Variants in MLH3 observed in about 807,000 individuals in gnomAD.
MLH3 encodes the protein DNA mismatch repair protein Mlh3.
Under a neutral mutation model 122.2 loss-of-function variants are expected in MLH3, and 82 were observed. The observed-to-expected ratio is 0.67, with a 90% confidence interval of 0.56 to 0.81. The LOEUF (loss-of-function observed/expected upper bound fraction) is 0.81, where lower values mean the gene tolerates loss of function less well. MLH3 is among the 30% of genes least tolerant of loss of function. MLH3 has a pLI of 0.00. For missense variants in MLH3, 1,539 were observed against 1,714.5 expected (o/e 0.90, Z 1.81); for synonymous variants, 524 against 599.5 (o/e 0.87, Z 1.84).
chr14:75,047,820 T>C lies in MLH3; in HGVS notation c.1836A>G (p.Val612=), dbSNP rs1422736890. 6.2e-7 allele frequency: 1 copy of C among 1,613,820 alleles called. No individual in the cohort carries two copies. Among genetic ancestry groups the C allele is most frequent in the African/African-American group, 1.3e-5 (1 of 74,936 alleles). The change falls in exon 2 of 13, where the codon GTA becomes GTG. Residue 612 remains valine (V), a synonymous_variant. Transcript: ENST00000355774. ...TTGATTTAGTTTTTTCATTTTGTAC[T>C]ACATGAGTTATAAAGCCAGTGGAAC... The part of the protein sequence containing the change: ...KLCSTGFITH[V]VQNEKTKSTE...
At position 75,041,601 on chromosome 14, in the gene MLH3, T is replaced by G. The variant is rs775972214; in HGVS notation, c.3465+14A>C. On this transcript the variant is annotated intron_variant, in intron 4 of 12. Coordinates refer to ENST00000355774, the MANE Select transcript of MLH3 (RefSeq NM_001040108.2). ...AGAAAAAAAAAAGGCAAAGAAAAAC[T>G]GCTACAGACCCACCTCTGGATAACG... 9.4e-6 allele frequency: 15 copies of G among 1,599,764 alleles called. No homozygotes were observed. Among genetic ancestry groups the G allele is most frequent in the Non-Finnish European group, 1.3e-5 (15 of 1,168,362 alleles).
At chr14:75,033,919 G>C (rs1891214720) in intron 6 of MLH3, among the ~76,000 whole-genome samples, 1 of 152,144 alleles carries the variant, frequency 6.6e-6, no homozygotes, top group African/African-American at 2.4e-5. Flanking sequence ...TCAGGGCTGG[G>C]TGCAGTGTCT....
At position 75,046,692 on chromosome 14, in the gene MLH3, G is replaced by A. The variant is rs201936675; in HGVS notation, c.2964C>T (p.Ile988=). ...TTCCTATCTGTTGTTCTGAGGCTCTGATAAGAACATCTGAATCTTTACCGG... is the reference window on the plus strand; with the variant it reads ...TTCCTATCTGTTGTTCTGAGGCTCTAATAAGAACATCTGAATCTTTACCGG... The part of the protein sequence containing the change: ...KVTGKDSDVL[I]RASEQQIGSL... The change falls in exon 2 of 13, where the codon ATC becomes ATT. Residue 988 remains isoleucine (I), a synonymous_variant. Coordinates refer to ENST00000355774, the MANE Select transcript of MLH3 (RefSeq NM_001040108.2). The A allele has an allele frequency of 6.2e-7, 1 of 1,614,096 alleles. No homozygotes were observed. Among genetic ancestry groups the A allele is most frequent in the Non-Finnish European group, 8.5e-7 (1 of 1,179,938 alleles).
chr14:75,037,292 T>A (rs1891484474), intron 6 of MLH3, among the ~76,000 whole-genome samples: 1 of 152,216 alleles, frequency 6.6e-6, no homozygotes, highest in South Asian at 2.1e-4. Context: ...TTCCCTGAAC[T>A]CCCTGATGAA....
rs1304593902 is a variant in MLH3, at chr14:75,018,877, A to G, written c.4194T>C (p.Pro1398=). 4.2e-5 allele frequency: 67 copies of G among 1,614,082 alleles called. 2 individuals carry two copies. The Admixed American group carries it at 9.8e-4, about 24-fold the overall frequency. Residue 1398 remains proline (P), a synonymous_variant, in exon 12 of 13, where the codon CCT becomes CCC. Coordinates refer to ENST00000355774, the MANE Select transcript of MLH3 (RefSeq NM_001040108.2). ...CTATGTCAGCTAACGGCAGCATAGA[A>G]GGTCTCCCGTGAGCACACTGGAATG... ...QLPFQCAHGR[P]SMLPLADIDH...
At position 75,013,778 on chromosome 14, in the gene MLH3, G is replaced by A. The variant is rs925673739; in HGVS notation, c.*3304C>T. On this transcript the variant is annotated 3_prime_UTR_variant, in exon 13 of 13. Coordinates refer to ENST00000355774, the MANE Select transcript of MLH3 (RefSeq NM_001040108.2). ...AGAGAGGGATGGAAGGAAAAAGGAA[G>A]GAAGGAAGGGTTTATTTGATGCAGA... 4.6e-6 allele frequency: 1 copy of A among 219,208 alleles called. No homozygotes were observed. The highest frequency in any genetic ancestry group is 5.8e-5 in the Admixed American group (1 of 17,284). 13.6% of individuals were successfully genotyped at this position (219,208 alleles called of 1,614,324 possible). A position where few individuals can be genotyped will look rare whatever the true frequency, so the allele number is the denominator to read the frequency against.
Position 75,019,536 on chromosome 14 carries a change from T to A in MLH3, c.4091-556A>T, listed in dbSNP as rs147346620. 1.4e-3 allele frequency among the ~76,000 whole-genome samples: 219 copies of A among 152,130 alleles called. 5 individuals are homozygous for A. In the East Asian group the frequency reaches 0.039, roughly 27 times the overall value. On this transcript the variant is annotated intron_variant, in intron 11 of 12. Coordinates refer to ENST00000355774, the MANE Select transcript of MLH3 (RefSeq NM_001040108.2). ...TCTTACGGAGTATTTGTATTTCTAA[T>A]CTCTGTAGGAGGCATTCCTTAACTT...
chr14:75,017,147 CAA>C lies in MLH3; in HGVS notation c.4295_4296del (p.Phe1432TrpfsTer6). The C allele has an allele frequency of 6.2e-7, 1 of 1,613,172 alleles. No individual in the cohort carries two copies. The highest frequency in any genetic ancestry group is 8.5e-7 in the Non-Finnish European group (1 of 1,179,974). ...TGCCTTGTATCACACTCTGCTTTTC[CAA>C]AGAGACGCCAGGCCTGGGCCATTTT... is the stretch of plus-strand genomic sequence containing the variant. ...LRKMAQAWRL[F>X]GKAECDTRQS... On this transcript the variant is annotated frameshift_variant, in exon 13 of 13. Transcript: ENST00000355774. LOFTEE classifies it high-confidence loss of function.
chr14:75,038,887 G>A (rs1328914995), intron 5 of MLH3, among the ~76,000 whole-genome samples: 1 of 150,790 alleles, frequency 6.6e-6, no homozygotes, highest in Non-Finnish European at 1.5e-5. Context: ...CACCCAGGCT[G>A]GAGTGCAATG....
Position 75,017,135 on chromosome 14 carries a change from ACT to A in MLH3, c.4307_4308del (p.Glu1436ValfsTer2), listed in dbSNP as rs1341036490. 1 of 1,613,432 alleles carries A rather than the reference ACT, an allele frequency of 6.2e-7. No homozygotes were observed. The highest frequency in any genetic ancestry group is 1.3e-5 in the African/African-American group (1 of 74,474). Reference protein sequence around the residue: ...AQAWRLFGKAECDTRQSLQQS... With the variant: ...AQAWRLFGKAXCDTRQSLQQS... ...TGCTGCAGGCTCTGCCTTGTATCACACTCTGCTTTTCCAAAGAGACGCCAGGC... is the reference window on the plus strand; with the variant it reads ...TGCTGCAGGCTCTGCCTTGTATCACACTGCTTTTCCAAAGAGACGCCAGGC... On this transcript the variant is annotated frameshift_variant, in exon 13 of 13. Coordinates refer to ENST00000355774, the MANE Select transcript of MLH3 (RefSeq NM_001040108.2). LOFTEE classifies it high-confidence loss of function.
At chr14:75,030,782 T>A (rs2139390112) in intron 8 of MLH3, 80 bp from the exon 9 acceptor site, 2 of 1,246,938 alleles carry the variant, frequency 1.6e-6, no homozygotes, top group Non-Finnish European at 2.3e-6. Context: ...AAATACTACT[T>A]AATAGTTTTT....
chr14:75,048,490 T>C lies in MLH3; in HGVS notation c.1166A>G (p.Asn389Ser), dbSNP rs769209737. ...QKRVTSDERS[N>S]FQEACNNILD... Reference sequence around the variant, plus strand: ...AATATTATTACATGCTTCCTGGAAATTGCTCCTCTCATCGGAAGTCACACG... The same window carrying C: ...AATATTATTACATGCTTCCTGGAAACTGCTCCTCTCATCGGAAGTCACACG... The change falls in exon 2 of 13, where the codon AAT (asparagine) becomes AGT (serine). Residue 389 changes from asparagine to serine, a missense_variant. Physicochemically the swap from Asn to Ser is conservative, Grantham distance 46 (BLOSUM62 1). Coordinates refer to ENST00000355774, the MANE Select transcript of MLH3 (RefSeq NM_001040108.2). 3.1e-6 allele frequency: 5 copies of C among 1,612,998 alleles called. No homozygotes were observed. The highest frequency in any genetic ancestry group is 2.2e-5 in the East Asian group (1 of 44,888).
intron 8 of MLH3, among the ~76,000 whole-genome samples, chr14:75,031,439 A>G (rs1457876109): frequency 2.0e-5 from 3 of 152,242 alleles, no homozygotes; most frequent in African/African-American, 7.2e-5. Flanking sequence ...CTGTTCCAAG[A>G]AATGAGAAGA....
At chr14:75,022,221 T>C (rs1056699235) in intron 11 of MLH3, among the ~76,000 whole-genome samples, 1 of 152,128 alleles carries the variant, frequency 6.6e-6, no homozygotes, top group African/African-American at 2.4e-5. Context: ...ACTATGCTCA[T>C]TACCTGGGTG....
rs55844330 is a variant in MLH3 at position 75,017,397 on chromosome 14, C to T, written c.4243-196G>A. On this transcript the variant is annotated intron_variant, in intron 12 of 12. Coordinates refer to ENST00000355774, the MANE Select transcript of MLH3 (RefSeq NM_001040108.2). ...ACTAAAAATACAAAAAAAAATTAGCCGGGTGTGGTGGCGCATGCCTATAAT... is the reference window on the plus strand; with the variant it reads ...ACTAAAAATACAAAAAAAAATTAGCTGGGTGTGGTGGCGCATGCCTATAAT... Among the ~76,000 whole-genome samples the T allele has an allele frequency of 1.4e-3, 208 of 152,134 alleles. 3 individuals carry two copies. The East Asian group carries it at 0.037, about 27-fold the overall frequency.
Position 75,030,677 on chromosome 14 carries a change from G to C in MLH3, c.3853C>G (p.Leu1285Val), listed in dbSNP as rs2139387356. 6.2e-7 allele frequency: 1 copy of C among 1,613,790 alleles called. No homozygotes were observed. The highest frequency in any genetic ancestry group is 1.1e-5 in the South Asian group (1 of 91,076). Residue 1285 changes from leucine to valine, a missense_variant, in exon 9 of 13, where the codon CTG (leucine) becomes GTG (valine). Coordinates refer to ENST00000355774, the MANE Select transcript of MLH3 (RefSeq NM_001040108.2). ...LWCYHKNLEDLGLEFVFPDTS... is the reference protein window; with the variant it reads ...LWCYHKNLEDVGLEFVFPDTS... ...TCTGGAAATACAAATTCAAGGCCCA[G>C]ATCTTCCAGATTTTTGTGGTAACAC...
At position 75,046,498 on chromosome 14, in the gene MLH3, C is replaced by T. The variant is rs760647376; in HGVS notation, c.3158G>A (p.Gly1053Glu). 1.2e-6 allele frequency: 2 copies of T among 1,614,190 alleles called. No homozygotes were observed. The highest frequency in any genetic ancestry group is 1.7e-6 in the Non-Finnish European group (2 of 1,180,030). The change falls in exon 2 of 13, where the codon GGA becomes GAA. Residue 1053 changes from glycine (G) to glutamate (E), a missense_variant. Gly to Glu is a moderately conservative substitution (Grantham distance 98). Transcript: ENST00000355774. ...DWQRHFDVAL[G>E]RMVYVNKMTG... Reference sequence around the variant, plus strand: ...CATTTTGTTGACATAAACCATTCTTCCCAGGGCTACATCGAAATGCCGCTG... The same window carrying T: ...CATTTTGTTGACATAAACCATTCTTTCCAGGGCTACATCGAAATGCCGCTG...
intron 8 of MLH3, among the ~76,000 whole-genome samples, chr14:75,031,748 A>G (rs1247789071): frequency 1.3e-5 from 2 of 152,234 alleles, no homozygotes; most frequent in Non-Finnish European, 2.9e-5. Context: ...TGGAAGGTGG[A>G]GGTTGCAGTG....
rs151243871 is a variant in MLH3 at position 75,032,906 on chromosome 14, G to C, written c.3715+513C>G. Among the ~76,000 whole-genome samples the C allele has an allele frequency of 3.4e-5, 3 of 89,246 alleles. No homozygotes were observed. In the East Asian group the frequency reaches 2.0e-3, roughly 58 times the overall value. 58.5% of individuals were successfully genotyped at this position (89,246 alleles called of 152,430 possible). Reference sequence around the variant, plus strand: ...AAACCAGAGATATTGGTTGTCTCTGGGGAGAGAAACTAGGAGGGGTGGGGA... The same window carrying C: ...AAACCAGAGATATTGGTTGTCTCTGCGGAGAGAAACTAGGAGGGGTGGGGA... On this transcript the variant is annotated intron_variant, in intron 7 of 12. Transcript: ENST00000355774.
Sources: allele counts gnomAD v4.1 joint callset (sites outside exome capture counted in the v4.1 genomes callset), GRCh38; gene constraint gnomAD v4.1.1; transcripts MANE v1.5; gene names NCBI Gene and HGNC (gene_info 2026-07-23, HGNC 2026-07-21).